TASP1: variants seen among roughly 807,000 people sequenced by gnomAD.
TASP1 encodes the protein threonine aspartase 1.
Under a neutral mutation model 56.6 loss-of-function variants are expected in TASP1, and 16 were observed. That is an observed-to-expected ratio of 0.28 (90% CI 0.19 to 0.43). The LOEUF (loss-of-function observed/expected upper bound fraction) is 0.43, where lower values mean the gene tolerates loss of function less well. Ranked by LOEUF, TASP1 falls within the 20% of genes least tolerant of loss-of-function variation. The probability of loss-of-function intolerance (pLI) is 1.00; values close to 1 mark genes in which losing one functional copy is unlikely to be tolerated. For missense variants in TASP1, 393 were observed against 511.6 expected (o/e 0.77, Z 2.24); for synonymous variants, 179 against 184.2 (o/e 0.97, Z 0.23).
chr20:13,554,412 G>A (rs1389986531), intron 8 of TASP1, among the ~76,000 whole-genome samples: 11 of 151,860 alleles, frequency 7.2e-5, no homozygotes, highest in Middle Eastern at 3.2e-3. Context: ...AAACAAGAGC[G>A]CTCTAATTTA....
At chr20:13,183,912 G>A in the TASP1 span, among the ~76,000 whole-genome samples, 10 of 151,422 alleles carry the variant, frequency 6.6e-5, no homozygotes, top group African/African-American at 1.9e-4. Context: ...GCCTGTAATC[G>A]CAGCTACTCA....
chr20:13,236,475 C>T, the TASP1 span, among the ~76,000 whole-genome samples: 2 of 152,064 alleles, frequency 1.3e-5, no homozygotes, highest in African/African-American at 4.8e-5. Context: ...CATTCCACCC[C>T]GGCCCCTCCA....
intron 4 of TASP1, among the ~76,000 whole-genome samples, chr20:13,592,599 T>C (rs1391928169): frequency 6.6e-6 from 1 of 152,160 alleles, no homozygotes; most frequent in Non-Finnish European, 1.5e-5. Context: ...GACTCTTCTT[T>C]TACATTCCTA....
the TASP1 span, among the ~76,000 whole-genome samples, chr20:13,152,360 G>A: frequency 6.6e-6 from 1 of 152,142 alleles, no homozygotes; most frequent in Non-Finnish European, 1.5e-5. Flanking sequence ...GATCCAATTA[G>A]TAGCCACCAC....
At chr20:13,269,108 G>A in the TASP1 span, among the ~76,000 whole-genome samples, 65 of 152,246 alleles carry the variant, frequency 4.3e-4, no homozygotes, top group East Asian at 6.0e-3. Context: ...CAAAGAGGGC[G>A]TGTGGAGACA....
chr20:13,231,232 C>T, the TASP1 span, among the ~76,000 whole-genome samples: 6 of 152,168 alleles, frequency 3.9e-5, no homozygotes, highest in East Asian at 9.6e-4. Context: ...CATGAGGCCC[C>T]TGCTTGTTGT....
chr20:13,399,277 T>TA (rs913075963), intron 13 of TASP1, among the ~76,000 whole-genome samples: 4 of 152,142 alleles, frequency 2.6e-5, no homozygotes, highest in African/African-American at 4.8e-5. Context: ...AAATGTTTTT[T>TA]AAAAAAATGT....
At chr20:13,427,360 A>C (rs774881734) in intron 12 of TASP1, among the ~76,000 whole-genome samples, 6 of 152,348 alleles carry the variant, frequency 3.9e-5, no homozygotes, top group Admixed American at 2.0e-4. Context: ...CTATTCTGAA[A>C]AGAGGGAGGA....
At chr20:13,199,966 T>A in the TASP1 span, among the ~76,000 whole-genome samples, 2 of 152,254 alleles carry the variant, frequency 1.3e-5, no homozygotes, top group Non-Finnish European at 1.5e-5. Flanking sequence ...CATGGATTTA[T>A]CCTTGGAAAA....
At chr20:13,382,769 A>G in the TASP1 span, among the ~76,000 whole-genome samples, 320 of 152,320 alleles carry the variant, frequency 2.1e-3, 1 homozygote, top group Non-Finnish European at 1.4e-3. Context: ...TACTTGCTCC[A>G]GGAACATTTA....
chr20:13,147,614 C>G, the TASP1 span, among the ~76,000 whole-genome samples: 1 of 152,158 alleles, frequency 6.6e-6, no homozygotes, highest in South Asian at 2.1e-4. Context: ...CCACTGCAGG[C>G]ATTCTTTAAT....
At chr20:13,598,154 A>G (rs2047815626) in intron 4 of TASP1, among the ~76,000 whole-genome samples, 1 of 152,206 alleles carries the variant, frequency 6.6e-6, no homozygotes, top group African/African-American at 2.4e-5. Flanking sequence ...GCTACCAATG[A>G]CTTTCTTTAC....
chr20:13,138,718 C>T, the TASP1 span, among the ~76,000 whole-genome samples: 1 of 152,140 alleles, frequency 6.6e-6, no homozygotes, highest in Non-Finnish European at 1.5e-5. Flanking sequence ...TGGGTGCATG[C>T]ATAGGTCAAA....
the TASP1 span, among the ~76,000 whole-genome samples, chr20:13,306,134 C>A: frequency 6.6e-6 from 1 of 152,112 alleles, no homozygotes; most frequent in African/African-American, 2.4e-5. Flanking sequence ...GCATGTAATT[C>A]ATGGATGATT....
At chr20:13,616,723 T>C (rs1264283696) in intron 4 of TASP1, 6 of 162,120 alleles carry the variant, frequency 3.7e-5, no homozygotes, top group Non-Finnish European at 8.1e-5. Flanking sequence ...CATGTGTCAT[T>C]TCTAGGGTCT....
At chr20:13,569,671 T>C (rs986202302) in intron 6 of TASP1, 85 bp from the exon 7 acceptor site, 21 of 1,204,368 alleles carry the variant, frequency 1.7e-5, no homozygotes, top group Non-Finnish European at 2.5e-5. Flanking sequence ...GGTAAGGCAG[T>C]TGAGAAAAAG....
intron 11 of TASP1, among the ~76,000 whole-genome samples, chr20:13,463,908 A>G (rs773863193): frequency 1.2e-4 from 18 of 152,152 alleles, no homozygotes; most frequent in Admixed American, 6.6e-5. Flanking sequence ...TTGGGAATAT[A>G]AAATGTGCAG....
At chr20:13,138,528 G>T in the TASP1 span, among the ~76,000 whole-genome samples, 1 of 152,096 alleles carries the variant, frequency 6.6e-6, no homozygotes, top group African/African-American at 2.4e-5. Flanking sequence ...TTATTTAATT[G>T]CACCTTAAGC....
At chr20:13,440,021 G>T (rs2043160136) in intron 11 of TASP1, among the ~76,000 whole-genome samples, 1 of 152,042 alleles carries the variant, frequency 6.6e-6, no homozygotes, top group Non-Finnish European at 1.5e-5. Context: ...AAGGAGAGAA[G>T]GGTCTAAAAA....
Sources: allele counts gnomAD v4.1 joint callset (sites outside exome capture counted in the v4.1 genomes callset), GRCh38; gene constraint gnomAD v4.1.1; transcripts MANE v1.5; gene names NCBI Gene and HGNC (gene_info 2026-07-23, HGNC 2026-07-21).